RYR3: variants seen among roughly 807,000 people sequenced by gnomAD.
RYR3 encodes the protein ryanodine receptor 3.
RYR3 carries 207 observed loss-of-function variants against 584.3 expected under a neutral mutation model. The ratio of observed to expected loss-of-function variants is 0.35; its 90% CI spans 0.32 to 0.40. The LOEUF is 0.40. RYR3 is among the 10% of genes least tolerant of loss of function. RYR3 has a pLI of 1.00. For missense variants in RYR3, 5,616 were observed against 6,089.2 expected, an observed-to-expected ratio of 0.92 and a Z score of 2.59; for synonymous variants, 2,416 against 2,248.5, an observed-to-expected ratio of 1.07 and a Z score of -2.11.
In RYR3 at chr15:33,613,196, A is replaced by C; in HGVS notation, c.2178A>C (p.Arg726Ser). 6.2e-7 allele frequency: 1 copy of C among 1,613,528 alleles called. No homozygotes were observed. Among genetic ancestry groups the C allele is most frequent in the Non-Finnish European group, 8.5e-7 (1 of 1,179,654 alleles). Residue 726 changes from arginine (R) to serine (S), a missense_variant, in exon 19 of 104, where the codon AGA becomes AGC. Arg to Ser is a moderately radical substitution (Grantham distance 110). Around this residue, in one of 9 missense-constraint regions of RYR3, gnomAD observed 1,284 missense variants for 1,344.6 expected, o/e 0.95. Transcript: ENST00000634891. The stretch of plus-strand genomic sequence containing the variant: ...TTTCCTCACCAGGCCGGATACCCAG[A>C]GCTGTGGCTTCCATCAACCAGCACC... Reference protein sequence around the residue: ...GLHLWSGRIPRAVASINQHLL... With the variant: ...GLHLWSGRIPSAVASINQHLL...
At chr15:33,389,466 C>T (rs2141266778) in intron 1 of RYR3, among the ~76,000 whole-genome samples, 2 of 152,144 alleles carry the variant, frequency 1.3e-5, no homozygotes, top group Non-Finnish European at 2.9e-5. Context: ...TGTGGTAAGG[C>T]GGGAGACTGA....
intron 1 of RYR3, among the ~76,000 whole-genome samples, chr15:33,341,182 G>A (rs1231964687): frequency 2.0e-5 from 3 of 152,076 alleles, no homozygotes; most frequent in Admixed American, 6.5e-5. Context: ...GGGACTACAG[G>A]TGCGCCCCAC....
In RYR3 at chr15:33,696,353, C is replaced by A; in HGVS notation, c.5996C>A (p.Ala1999Glu). 1.2e-6 allele frequency: 2 copies of A among 1,613,866 alleles called. No individual in the cohort carries two copies. Among genetic ancestry groups the A allele is most frequent in the Non-Finnish European group, 1.7e-6 (2 of 1,179,872 alleles). The change falls in exon 39 of 104, where the codon GCG becomes GAG. Residue 1999 changes from alanine to glutamate, a missense_variant. Transcript: ENST00000634891. ...QYDSIGELLQ[A>E]LRKTYTISHT... ...GACAGCATTGGGGAGCTGCTGCAGG[C>A]GCTGCGGAAGACCTACACCATCAGC...
chr15:33,502,232 G>C (rs1355975616), intron 2 of RYR3, among the ~76,000 whole-genome samples: 2 of 152,178 alleles, frequency 1.3e-5, no homozygotes, highest in African/African-American at 4.8e-5. Context: ...GAATGTTGCA[G>C]TTGGGAGGGG....
intron 1 of RYR3, among the ~76,000 whole-genome samples, chr15:33,459,427 G>A (rs1176812753): frequency 1.3e-5 from 2 of 152,194 alleles, no homozygotes; most frequent in African/African-American, 2.4e-5. Flanking sequence ...GGTGGTATTA[G>A]TAAGATGTCC....
intron 67 of RYR3, among the ~76,000 whole-genome samples, chr15:33,798,084 TTTTA>T (rs113043524): frequency 9.0e-6 from 1 of 110,582 alleles, no homozygotes; most frequent in Non-Finnish European, 2.0e-5. Context: ...TCTGTCTGTC[TTTTA>T]TTTATTTATT....
At chr15:33,663,433 C>A in intron 35 of RYR3, 104 bp from the exon 36 acceptor site, 1 of 947,934 alleles carries the variant, frequency 1.1e-6, no homozygotes, top group Non-Finnish European at 1.6e-6. Flanking sequence ...TACTGTGTGG[C>A]AATTTACTTT....
At chr15:33,598,841 C>G (rs553228609) in intron 16 of RYR3, among the ~76,000 whole-genome samples, 121 of 152,116 alleles carry the variant, frequency 8.0e-4, no homozygotes, top group Non-Finnish European at 1.5e-3. Flanking sequence ...ATCACAAGGT[C>G]AGGAGATCGA....
At chr15:33,402,792 T>G (rs1178796223) in intron 1 of RYR3, among the ~76,000 whole-genome samples, 1 of 152,240 alleles carries the variant, frequency 6.6e-6, no homozygotes, top group Non-Finnish European at 1.5e-5. Flanking sequence ...ATTTGTGTTT[T>G]GTCAAGTCTT....
intron 1 of RYR3, among the ~76,000 whole-genome samples, chr15:33,427,722 A>G (rs2044762934): frequency 6.6e-6 from 1 of 152,230 alleles, no homozygotes; most frequent in African/African-American, 2.4e-5. Flanking sequence ...AGTCAGTGGT[A>G]TCACAATGAA....
chr15:33,568,212 G>A (rs899700683), intron 12 of RYR3, among the ~76,000 whole-genome samples: 2 of 152,168 alleles, frequency 1.3e-5, no homozygotes, highest in Admixed American at 1.3e-4. Context: ...GAGAGCTGAT[G>A]AAAACATTCT....
At chr15:33,833,503 A>G (rs944249303) in intron 86 of RYR3, among the ~76,000 whole-genome samples, 5 of 152,242 alleles carry the variant, frequency 3.3e-5, no homozygotes, top group African/African-American at 1.2e-4. Context: ...TTATAAGGAC[A>G]TGAAGTGATA....
Position 33,843,428 on chromosome 15 carries a change from G to GT in RYR3, c.13210-59dup, listed in dbSNP as rs999170202. Reference sequence around the variant, plus strand: ...ACCAGAACTGACCTTCTGTGTGAAAGTAGGAAGTTCTCTTTTCCTTCCAAA... The same window carrying GT: ...ACCAGAACTGACCTTCTGTGTGAAAGTTAGGAAGTTCTCTTTTCCTTCCAAA... On this transcript the variant is annotated intron_variant, in intron 91 of 103. Coordinates refer to ENST00000634891, the MANE Select transcript of RYR3 (RefSeq NM_001036.6). 29 of 1,183,812 alleles carry GT rather than the reference G, an allele frequency of 2.4e-5. No individual in the cohort carries two copies. In the African/African-American group the frequency reaches 4.4e-4, roughly 18 times the overall value. 73.3% of individuals were successfully genotyped at this position (1,183,812 alleles called of 1,614,324 possible).
chr15:33,683,367 G>A (rs914667282), intron 38 of RYR3, among the ~76,000 whole-genome samples: 1 of 152,130 alleles, frequency 6.6e-6, no homozygotes, highest in Non-Finnish European at 1.5e-5. Flanking sequence ...GATGAACTCA[G>A]TAAAGCAACA....
At chr15:33,855,175 G>T (rs182525503) in intron 98 of RYR3, among the ~76,000 whole-genome samples, 4 of 152,024 alleles carry the variant, frequency 2.6e-5, no homozygotes, top group Non-Finnish European at 5.9e-5. Context: ...GGAGGGAGGT[G>T]ATGGACATGT....
At chr15:33,666,728 A>G (rs1437373950) in intron 36 of RYR3, among the ~76,000 whole-genome samples, 1 of 152,238 alleles carries the variant, frequency 6.6e-6, no homozygotes, top group Non-Finnish European at 1.5e-5. Context: ...AGTACAAAAG[A>G]AGGTAAAACT....
intron 2 of RYR3, among the ~76,000 whole-genome samples, chr15:33,488,880 C>G (rs914599107): frequency 6.6e-6 from 1 of 151,958 alleles, no homozygotes; most frequent in African/African-American, 2.4e-5. Context: ...AAACAAAAAC[C>G]CAAGTCATGT....
chr15:33,669,857 G>GGGGGGGT (rs1555401713), intron 37 of RYR3, among the ~76,000 whole-genome samples: 4 of 60,246 alleles, frequency 6.6e-5, no homozygotes, highest in African/African-American at 1.4e-4. Context: ...GGGGGGGGGG[G>GGGGGGGT]GTGTGGGTGT....
At chr15:33,707,200 G>T in intron 43 of RYR3, 146 bp downstream of exon 43, 1 of 910,824 alleles carries the variant, frequency 1.1e-6, no homozygotes, top group South Asian at 1.7e-5. Flanking sequence ...AGAATCACAG[G>T]TGTTTGGTGG....
Sources: gnomAD v4.1 joint callset for allele counts (sites outside exome capture counted in the v4.1 genomes callset) on GRCh38, gnomAD v4.1.1 for gene constraint, gnomAD v4.1.1 regional missense constraint, MANE v1.5 for transcripts, NCBI Gene and HGNC (gene_info 2026-07-23, HGNC 2026-07-21) for gene names.